Variants in MAD1L1 observed in about 807,000 individuals in gnomAD.
MAD1L1 encodes the protein mitotic spindle assembly checkpoint protein MAD1.
MAD1L1 carries 95 observed loss-of-function variants against 96.9 expected under a neutral mutation model. The observed-to-expected ratio is 0.98, with a 90% CI of 0.83 to 1.16. MAD1L1 has a LOEUF of 1.16. MAD1L1 is among the 50% of genes most tolerant of loss of function. The pLI, the probability that MAD1L1 is intolerant of heterozygous loss-of-function variation, is 0.00. For missense variants in MAD1L1, 1,007 were observed against 954.4 expected, an observed-to-expected ratio of 1.06 and a Z score of -0.73; for synonymous variants, 473 against 396.6, an observed-to-expected ratio of 1.19 and a Z score of -2.29.
chr7:1,931,534 G>A (rs774545662), intron 17 of MAD1L1, among the ~76,000 whole-genome samples: 23 of 152,128 alleles, frequency 1.5e-4, no homozygotes, highest in Non-Finnish European at 2.4e-4. Flanking sequence ...CGATCATGTC[G>A]GTATTAACTG....
At chr7:1,905,942 C>T (rs1441403491) in intron 17 of MAD1L1, among the ~76,000 whole-genome samples, 2 of 150,674 alleles carry the variant, frequency 1.3e-5, no homozygotes, top group Non-Finnish European at 2.9e-5. Context: ...CCCAGCTACT[C>T]GGGAGGCTGA....
At position 1,955,315 on chromosome 7, in the gene MAD1L1, G is replaced by A. The variant is rs111246113; in HGVS notation, c.1596+2314C>T. ...GTGCAGGGGCGGCAGCCGGCTCCTG[G>A]GGCCTCGCTCTGTCACCCAGGCTGG... On this transcript the variant is annotated intron_variant, in intron 16 of 18. Coordinates refer to ENST00000265854, the MANE Select transcript of MAD1L1 (RefSeq NM_001013836.2). Among the ~76,000 whole-genome samples the A allele has an allele frequency of 1.6e-3, 249 of 152,298 alleles. 2 individuals carry two copies. The highest frequency in any genetic ancestry group is 5.6e-3 in the African/African-American group (234 of 41,562).
chr7:2,045,896 C>T (rs1416444386), intron 12 of MAD1L1, among the ~76,000 whole-genome samples: 2 of 152,202 alleles, frequency 1.3e-5, no homozygotes, highest in African/African-American at 4.8e-5. Context: ...CGAGGGCCCC[C>T]CATGGAGCTG....
chr7:2,127,221 G>A (rs11980171), intron 11 of MAD1L1, among the ~76,000 whole-genome samples: 3 of 152,188 alleles, frequency 2.0e-5, no homozygotes, highest in African/African-American at 4.8e-5. Flanking sequence ...GTGCCACAGA[G>A]AAGACGTCCC....
chr7:2,168,573 G>A (rs1450345281), intron 10 of MAD1L1, among the ~76,000 whole-genome samples: 1 of 152,252 alleles, frequency 6.6e-6, no homozygotes, highest in African/African-American at 2.4e-5. Flanking sequence ...GTCCTTAAAA[G>A]GGAGGAAGGG....
rs992262959 is a variant in MAD1L1 at position 1,885,670 on chromosome 7, T to C, written c.1998+12530A>G. 3.3e-5 allele frequency among the ~76,000 whole-genome samples: 5 copies of C among 152,294 alleles called. No homozygotes were observed. In the South Asian group the frequency reaches 1.0e-3, roughly 32 times the overall value. On this transcript the variant is annotated intron_variant, in intron 18 of 18. Coordinates refer to ENST00000265854, the MANE Select transcript of MAD1L1 (RefSeq NM_001013836.2). ...CACCTCTGGCTAAGAGCTGTTGCCA[T>C]GACAACCCCAAGGTGCCCACTCACC...
At chr7:1,847,952 C>T in intron 18 of MAD1L1, 1 of 351,554 alleles carries the variant, frequency 2.8e-6, no homozygotes, top group Admixed American at 3.8e-5. Context: ...GCTAACAGGC[C>T]ACCCAGATGC....
intron 18 of MAD1L1, among the ~76,000 whole-genome samples, chr7:1,825,655 G>A (rs1383118590): frequency 1.3e-5 from 2 of 152,244 alleles, no homozygotes; most frequent in East Asian, 3.8e-4. Flanking sequence ...GAACAGTGCT[G>A]GGCAGTCTCA....
At chr7:2,040,310 C>T (rs528253968) in intron 12 of MAD1L1, among the ~76,000 whole-genome samples, 4 of 152,308 alleles carry the variant, frequency 2.6e-5, no homozygotes, top group East Asian at 1.9e-4. Context: ...TCAGCTCCTC[C>T]GGACCCTCCC....
At chr7:1,932,297 G>A (rs1484991173) in intron 17 of MAD1L1, among the ~76,000 whole-genome samples, 3 of 152,196 alleles carry the variant, frequency 2.0e-5, no homozygotes, top group Non-Finnish European at 4.4e-5. Flanking sequence ...CCCCAGGCCT[G>A]AGGCCTCCTT....
At chr7:2,051,499 G>A (rs769355135) in intron 12 of MAD1L1, among the ~76,000 whole-genome samples, 2 of 152,154 alleles carry the variant, frequency 1.3e-5, no homozygotes, top group Non-Finnish European at 2.9e-5. Flanking sequence ...GGCTCAGCAG[G>A]CAAGATCCAA....
At chr7:2,087,495 G>C (rs906656428) in intron 11 of MAD1L1, among the ~76,000 whole-genome samples, 1 of 152,134 alleles carries the variant, frequency 6.6e-6, no homozygotes, top group African/African-American at 2.4e-5. Context: ...AGCCGAGATC[G>C]CACCACTGCA....
At chr7:2,203,926 G>A (rs574013829) in intron 10 of MAD1L1, among the ~76,000 whole-genome samples, 2 of 152,340 alleles carry the variant, frequency 1.3e-5, no homozygotes, top group East Asian at 3.9e-4. Flanking sequence ...ACAAGGTGAC[G>A]ATGGCTAGGA....
intron 17 of MAD1L1, among the ~76,000 whole-genome samples, chr7:1,907,970 C>G (rs1022247324): frequency 6.6e-6 from 1 of 152,222 alleles, no homozygotes; most frequent in South Asian, 2.1e-4. Context: ...CAGGAGACAG[C>G]GGCCCGTGAC....
chr7:1,857,170 G>GC (rs1784298811), intron 18 of MAD1L1, among the ~76,000 whole-genome samples: 1 of 152,200 alleles, frequency 6.6e-6, no homozygotes, highest in South Asian at 2.1e-4. Flanking sequence ...GGTTTCTTAG[G>GC]CAAGAGCCGC....
chr7:1,866,470 A>C (rs953574197), intron 18 of MAD1L1, among the ~76,000 whole-genome samples: 3 of 152,060 alleles, frequency 2.0e-5, no homozygotes, highest in Non-Finnish European at 4.4e-5. Context: ...AAGAGATGAG[A>C]GCGAGCTCCA....
chr7:2,203,226 C>T (rs1306861583), intron 10 of MAD1L1, among the ~76,000 whole-genome samples: 1 of 152,278 alleles, frequency 6.6e-6, no homozygotes, highest in Non-Finnish European at 1.5e-5. Context: ...GGCTCGGCTA[C>T]AGGACTTGAC....
chr7:1,952,160 C>T (rs1345201772), intron 16 of MAD1L1, among the ~76,000 whole-genome samples: 6 of 152,222 alleles, frequency 3.9e-5, no homozygotes, highest in Non-Finnish European at 8.8e-5. Context: ...CCAACTTCAC[C>T]AGCACCTTCA....
At chr7:2,202,038 CA>C (rs1792335701) in intron 10 of MAD1L1, 1 of 152,326 alleles carries the variant, frequency 6.6e-6, no homozygotes, top group Non-Finnish European at 1.5e-5. Context: ...TGCAGGACCC[CA>C]GGGGGGCCCT....
Sources: gnomAD v4.1 joint callset for allele counts (sites outside exome capture counted in the v4.1 genomes callset) on GRCh38, gnomAD v4.1.1 for gene constraint, MANE v1.5 for transcripts, NCBI Gene and HGNC (gene_info 2026-07-23, HGNC 2026-07-21) for gene names.